Variants in CIMIP4 observed in about 807,000 individuals in gnomAD.
CIMIP4 encodes protein EAN57.
chr22:36,991,748 C>T, the CIMIP4 span, among the ~76,000 whole-genome samples: 7 of 152,066 alleles, frequency 4.6e-5, no homozygotes, highest in African/African-American at 7.2e-5. Context: ...GGTTCAAACC[C>T]AGACTCCATT....
At chr22:36,997,433 C>A in the CIMIP4 span, among the ~76,000 whole-genome samples, 23 of 152,320 alleles carry the variant, frequency 1.5e-4, no homozygotes, top group African/African-American at 5.5e-4. Context: ...AAAATCTATT[C>A]ATTAGCATAT....
At chr22:36,998,696 C>G in the CIMIP4 span, among the ~76,000 whole-genome samples, 1 of 152,062 alleles carries the variant, frequency 6.6e-6, no homozygotes, top group Non-Finnish European at 1.5e-5. Flanking sequence ...GAAATCTGCC[C>G]GTGAAATGGA....
chr22:37,004,142 G>A, the CIMIP4 span: 3 of 949,480 alleles, frequency 3.2e-6, no homozygotes, highest in Non-Finnish European at 3.0e-6. Flanking sequence ...CCTGATCAGA[G>A]GTTCCTAAGC....
At chr22:36,991,603 C>A in the CIMIP4 span, 1 of 1,612,842 alleles carries the variant, frequency 6.2e-7, no homozygotes, top group Non-Finnish European at 8.5e-7. Context: ...TGTAGAATAC[C>A]ATGAAGAAAC....
At chr22:37,000,971 C>T in the CIMIP4 span, among the ~76,000 whole-genome samples, 1 of 152,098 alleles carries the variant, frequency 6.6e-6, no homozygotes, top group South Asian at 2.1e-4. Flanking sequence ...GATCGTAGCC[C>T]CTCCTTGGGA....
the CIMIP4 span, among the ~76,000 whole-genome samples, chr22:37,006,580 G>C: frequency 0.025 from 3,850 of 152,280 alleles, 163 homozygotes; most frequent in African/African-American, 0.088. Flanking sequence ...AGGAGCCTCA[G>C]CCACACCTGG....
chr22:37,002,337 A>C, the CIMIP4 span: 1 of 1,025,044 alleles, frequency 9.8e-7, no homozygotes, highest in Non-Finnish European at 1.2e-6. Flanking sequence ...AGGGGGAGGG[A>C]GAGAGACACG....
chr22:36,999,941 G>T, the CIMIP4 span: 1 of 1,613,940 alleles, frequency 6.2e-7, no homozygotes, highest in Non-Finnish European at 8.5e-7. Context: ...CCATGAGCTT[G>T]CCCTTTTCTG....
At chr22:36,999,033 C>A in the CIMIP4 span, among the ~76,000 whole-genome samples, 1 of 152,020 alleles carries the variant, frequency 6.6e-6, no homozygotes, top group East Asian at 1.9e-4. Flanking sequence ...TAGTGAGTGG[C>A]TGAGCTGAGC....
chr22:36,991,444 A>C, the CIMIP4 span: 1 of 1,595,146 alleles, frequency 6.3e-7, no homozygotes, highest in African/African-American at 1.3e-5. Context: ...GGTGGAGGAC[A>C]GTCCCTGCCT....
chr22:37,002,344 C>A, the CIMIP4 span: 1 of 1,216,484 alleles, frequency 8.2e-7, no homozygotes, highest in Non-Finnish European at 1.0e-6. Context: ...GGGAGAGAGA[C>A]ACGCAGACAA....
the CIMIP4 span, among the ~76,000 whole-genome samples, chr22:37,002,599 C>T: frequency 6.6e-6 from 1 of 152,184 alleles, no homozygotes; most frequent in African/African-American, 2.4e-5. Context: ...TAAGCCTGTC[C>T]CGCCTTGAGG....
chr22:36,991,165 C>T, the CIMIP4 span: 1 of 1,611,254 alleles, frequency 6.2e-7, no homozygotes, highest in Non-Finnish European at 8.5e-7. Context: ...GAAGACACCT[C>T]TACTGTGTCA....
the CIMIP4 span, among the ~76,000 whole-genome samples, chr22:36,996,857 C>A: frequency 6.6e-6 from 1 of 152,182 alleles, no homozygotes; most frequent in Admixed American, 6.5e-5. Flanking sequence ...TGAAACTGAT[C>A]TATGCATGTG....
the CIMIP4 span, among the ~76,000 whole-genome samples, chr22:36,995,380 G>A: frequency 4.7e-4 from 71 of 152,288 alleles, no homozygotes; most frequent in African/African-American, 1.7e-3. Context: ...AGCAGATGAG[G>A]ACCTTCATGT....
the CIMIP4 span, among the ~76,000 whole-genome samples, chr22:36,997,044 C>T: frequency 1.8e-4 from 28 of 152,338 alleles, no homozygotes; most frequent in African/African-American, 6.3e-4. Flanking sequence ...GCTGGGCACA[C>T]AGATGCCCAA....
At chr22:36,992,207 C>A in the CIMIP4 span, among the ~76,000 whole-genome samples, 28 of 152,110 alleles carry the variant, frequency 1.8e-4, no homozygotes, top group African/African-American at 6.3e-4. Flanking sequence ...ATTAGCTGGG[C>A]GTGGTGGCGG....
At chr22:37,001,395 C>T in the CIMIP4 span, among the ~76,000 whole-genome samples, 5 of 152,202 alleles carry the variant, frequency 3.3e-5, no homozygotes, top group Admixed American at 3.3e-4. Flanking sequence ...CGCACGTCTT[C>T]TGATTCCCAA....
the CIMIP4 span, among the ~76,000 whole-genome samples, chr22:36,994,748 A>G: frequency 6.7e-6 from 1 of 149,914 alleles, no homozygotes; most frequent in Admixed American, 6.7e-5. Context: ...CTCCTGCCTC[A>G]GCCTCCCGAG....
Sources: gnomAD v4.1 joint callset for allele counts (sites outside exome capture counted in the v4.1 genomes callset) on GRCh38, gnomAD v4.1.1 for gene constraint, MANE v1.5 for transcripts, NCBI Gene and HGNC (gene_info 2026-07-23, HGNC 2026-07-21) for gene names.